STAU2: variants seen among roughly 807,000 people sequenced by gnomAD.
STAU2 encodes the protein double-stranded RNA-binding protein Staufen homolog 2.
In STAU2, 20 loss-of-function variants were observed where a neutral mutation model predicts 65.9. The ratio of observed to expected loss-of-function variants is 0.30; its 90% CI spans 0.21 to 0.44. STAU2 has a LOEUF of 0.44. Among genes scored for constraint, STAU2 ranks in the 20% least tolerant of loss-of-function variants. STAU2 has a pLI of 1.00. For synonymous variants in STAU2, 232 were observed against 233.9 expected, an observed-to-expected ratio of 0.99 and a Z score of 0.07; for missense variants, 558 against 683.9, an observed-to-expected ratio of 0.82 and a Z score of 2.05.
chr8:73,556,439 C>G lies in STAU2; in HGVS notation c.1223-4120G>C, dbSNP rs887958499. Among the ~76,000 whole-genome samples the G allele has an allele frequency of 3.3e-4, 50 of 152,198 alleles. 1 individual carries two copies. Among genetic ancestry groups the G allele is most frequent in the Non-Finnish European group, 1.5e-5 (1 of 68,014 alleles). On this transcript the variant is annotated intron_variant, in intron 12 of 14. Transcript: ENST00000524300. Reference sequence around the variant, plus strand: ...GAGATATATGAAAGTATCTTGTTTCCTATTTTGGTATTGGAAATTACTATA... The same window carrying G: ...GAGATATATGAAAGTATCTTGTTTCGTATTTTGGTATTGGAAATTACTATA...
chr8:73,682,482 G>C (rs1475546964), intron 5 of STAU2, among the ~76,000 whole-genome samples: 1 of 152,000 alleles, frequency 6.6e-6, no homozygotes, highest in East Asian at 1.9e-4. Context: ...GTGGTGCTAA[G>C]AGCAAAGTTT....
At chr8:73,628,310 A>G (rs1281464513) in intron 6 of STAU2, among the ~76,000 whole-genome samples, 2 of 151,790 alleles carry the variant, frequency 1.3e-5, no homozygotes, top group Non-Finnish European at 2.9e-5. Context: ...GGGCTAAAGC[A>G]ATCCTCCCAA....
chr8:73,549,612 T>C (rs1315817700), intron 13 of STAU2: 11 of 981,332 alleles, frequency 1.1e-5, no homozygotes, highest in Non-Finnish European at 1.3e-5. Context: ...TTGTTTTCAA[T>C]ACACTCATAT....
chr8:73,717,765 T>C (rs534606372), intron 3 of STAU2, among the ~76,000 whole-genome samples: 2 of 150,664 alleles, frequency 1.3e-5, no homozygotes, highest in African/African-American at 4.9e-5. Context: ...CTGCCGCCTA[T>C]TTACCTATTT....
chr8:73,596,771 C>A (rs1811220179), intron 10 of STAU2, among the ~76,000 whole-genome samples: 1 of 152,026 alleles, frequency 6.6e-6, no homozygotes, highest in Admixed American at 6.6e-5. Context: ...ACTGCTTGAG[C>A]CCAGGAGTTC....
intron 13 of STAU2, chr8:73,550,584 G>T (rs1422349674): frequency 3.1e-6 from 3 of 977,160 alleles, no homozygotes; most frequent in African/African-American, 3.5e-5. Context: ...TTCATCCTAC[G>T]GAGATTATAG....
chr8:73,571,786 G>A (rs1441915129), intron 12 of STAU2, among the ~76,000 whole-genome samples: 1 of 152,152 alleles, frequency 6.6e-6, no homozygotes, highest in East Asian at 1.9e-4. Context: ...ATGCCCACAA[G>A]AGAAAGCAGG....
At chr8:73,424,138 A>G (rs953037749) in intron 13 of STAU2, among the ~76,000 whole-genome samples, 5 of 148,584 alleles carry the variant, frequency 3.4e-5, no homozygotes, top group Non-Finnish European at 7.4e-5. Flanking sequence ...GGGATCATAC[A>G]ATATGTCACC....
intron 9 of STAU2, among the ~76,000 whole-genome samples, chr8:73,610,305 G>A (rs1330614788): frequency 6.6e-6 from 1 of 151,276 alleles, no homozygotes; most frequent in Non-Finnish European, 1.5e-5. Context: ...GGGTGGCAAA[G>A]GCAGGCAGAT....
chr8:73,448,925 G>A (rs190790319), intron 13 of STAU2, among the ~76,000 whole-genome samples: 110 of 152,384 alleles, frequency 7.2e-4, no homozygotes, highest in African/African-American at 2.6e-3. Flanking sequence ...ACGTGCGCGC[G>A]GACAGCGGGT....
At chr8:73,483,323 C>T (rs1563619005) in intron 13 of STAU2, among the ~76,000 whole-genome samples, 1 of 152,084 alleles carries the variant, frequency 6.6e-6, no homozygotes, top group Non-Finnish European at 1.5e-5. Context: ...ATTGTCTAGG[C>T]AGTCGTGAGC....
intron 12 of STAU2, among the ~76,000 whole-genome samples, chr8:73,581,607 T>G (rs939064187): frequency 6.6e-5 from 10 of 152,208 alleles, no homozygotes; most frequent in Non-Finnish European, 1.3e-4. Flanking sequence ...TCAAAGGAAC[T>G]GAACACAAAC....
At chr8:73,687,253 A>AT (rs1563506470) in intron 5 of STAU2, among the ~76,000 whole-genome samples, 2 of 63,754 alleles carry the variant, frequency 3.1e-5, no homozygotes, top group Non-Finnish European at 6.5e-5. Context: ...AATATAAATT[A>AT]ATTTATATTT....
intron 6 of STAU2, among the ~76,000 whole-genome samples, chr8:73,642,602 G>C (rs1225156919): frequency 2.0e-5 from 3 of 152,000 alleles, no homozygotes; most frequent in Non-Finnish European, 4.4e-5. Flanking sequence ...GGAGGATCTA[G>C]TCTCTGCCTA....
chr8:73,682,713 C>T (rs547777151), intron 5 of STAU2, among the ~76,000 whole-genome samples: 1 of 152,084 alleles, frequency 6.6e-6, no homozygotes, highest in Admixed American at 6.6e-5. Context: ...ATTGATAGAA[C>T]ATTAGCAAGA....
At chr8:73,462,820 T>C (rs1819441157) in intron 13 of STAU2, among the ~76,000 whole-genome samples, 1 of 152,188 alleles carries the variant, frequency 6.6e-6, no homozygotes, top group Non-Finnish European at 1.5e-5. Flanking sequence ...TTTAATGTCT[T>C]TATGATATCT....
At chr8:73,703,262 A>G (rs537528063) in intron 4 of STAU2, among the ~76,000 whole-genome samples, 3 of 152,156 alleles carry the variant, frequency 2.0e-5, no homozygotes, top group African/African-American at 7.2e-5. Flanking sequence ...CTGGTCATAT[A>G]AAAGTGTGTG....
intron 12 of STAU2, among the ~76,000 whole-genome samples, chr8:73,563,300 A>C (rs1808371256): frequency 6.6e-6 from 1 of 151,996 alleles, no homozygotes; most frequent in Non-Finnish European, 1.5e-5. Context: ...TTCTACCCCC[A>C]CCTAGCAGTA....
rs1323665111 is a variant in STAU2, at chr8:73,720,733, C to T, written c.-17-11571G>A. Reference sequence around the variant, plus strand: ...TTCACCTTGTTAACCAGGATGGTCTCGATCTCCTGACCTCATGATCCACCC... The same window carrying T: ...TTCACCTTGTTAACCAGGATGGTCTTGATCTCCTGACCTCATGATCCACCC... On this transcript the variant is annotated intron_variant, in intron 3 of 14. Coordinates refer to ENST00000524300, the MANE Select transcript of STAU2 (RefSeq NM_001164380.2). Among the ~76,000 whole-genome samples the T allele has an allele frequency of 7.4e-5, 6 of 81,546 alleles. 1 individual carries two copies. The highest frequency in any genetic ancestry group is 3.4e-4 in the African/African-American group (6 of 17,578). The allele number at this position is 81,546 out of a possible 152,430, so 53.5% of individuals were successfully genotyped here.
Sources: allele counts gnomAD v4.1 joint callset (sites outside exome capture counted in the v4.1 genomes callset), GRCh38; gene constraint gnomAD v4.1.1; transcripts MANE v1.5; gene names NCBI Gene and HGNC (gene_info 2026-07-23, HGNC 2026-07-21).